The following SMIM7 variants were observed in gnomAD, a reference collection of about 807,000 sequenced individuals.
SMIM7 encodes the protein UPF0608 protein C19orf42.
Under a neutral mutation model 13.3 loss-of-function variants are expected in SMIM7, and 12 were observed. The ratio of observed to expected loss-of-function variants is 0.90; its 90% CI spans 0.58 to 1.46. The LOEUF is 1.46. Ranked by LOEUF, SMIM7 falls within the 40% of genes most tolerant of loss-of-function variation. The probability of loss-of-function intolerance (pLI) is 0.00; values close to 1 mark genes in which losing one functional copy is unlikely to be tolerated. For missense variants in SMIM7, 114 were observed against 94.8 expected (o/e 1.20, Z -0.84); for synonymous variants, 36 against 35.8 (o/e 1.01, Z -0.02).
chr19:16,660,019 A>G lies in SMIM7; in HGVS notation c.27-19T>C, dbSNP rs751080840. 3.1e-6 allele frequency: 5 copies of G among 1,613,968 alleles called. No homozygotes were observed. The East Asian group carries it at 1.1e-4, about 36-fold the overall frequency. ...CAACGTCCTGCAGAGGGAGAATTAC[A>G]GTTACTAGGGGCGCCCCCGCGTCCT... On this transcript the variant is annotated intron_variant, in intron 1 of 4. Transcript: ENST00000487416.
downstream of SMIM7, among the ~76,000 whole-genome samples, chr19:16,644,127 T>G (rs2086426688): frequency 6.8e-6 from 1 of 147,236 alleles, no homozygotes; most frequent in African/African-American, 2.5e-5. Flanking sequence ...CGTTTTTTTT[T>G]TTTTTTTTTT....
chr19:16,647,103 A>T lies in SMIM7; in HGVS notation c.*143T>A. ...CTGGGAAACCATGCACACCTCGGCGAACACTTTTCCACCCACCACGAGCTT... is the reference window on the plus strand; with the variant it reads ...CTGGGAAACCATGCACACCTCGGCGTACACTTTTCCACCCACCACGAGCTT... On this transcript the variant is annotated 3_prime_UTR_variant, in exon 5 of 5. Transcript: ENST00000487416. 9.5e-7 allele frequency: 1 copy of T among 1,056,840 alleles called. No homozygotes were observed. The highest frequency in any genetic ancestry group is 1.4e-5 in the South Asian group (1 of 73,678). The allele number at this position is 1,056,840 out of a possible 1,614,324, so 65.5% of individuals were successfully genotyped here.
intron 4 of SMIM7, among the ~76,000 whole-genome samples, chr19:16,639,184 T>G (rs540206703): frequency 1.8e-4 from 27 of 149,330 alleles, no homozygotes; most frequent in Non-Finnish European, 3.4e-4. Flanking sequence ...TGCAGTGGCG[T>G]GATCTCGGCT....
intron 4 of SMIM7, chr19:16,634,540 G>A (rs894679473): frequency 2.0e-5 from 3 of 152,164 alleles, no homozygotes; most frequent in Non-Finnish European, 2.9e-5. Flanking sequence ...ACTTTGAAAG[G>A]CTGAGGTAGG....
In SMIM7 at chr19:16,659,975, C is replaced by T; in HGVS notation, c.52G>A (p.Val18Met). The change falls in exon 2 of 5, where the codon GTG becomes ATG. Residue 18 changes from valine (V) to methionine (M), a missense_variant. Val to Met is a conservative substitution (Grantham distance 21). Transcript: ENST00000487416. Reference sequence around the variant, plus strand: ...CCTACTCACAGCTTAAAGTTCAGCACCGCCCCGGCATTCATCAGCAACGTC... The same window carrying T: ...CCTACTCACAGCTTAAAGTTCAGCATCGCCCCGGCATTCATCAGCAACGTC... ...FGTLLMNAGAVLNFKLKKKDT... is the reference protein window; with the variant it reads ...FGTLLMNAGAMLNFKLKKKDT... The T allele has an allele frequency of 1.9e-6, 3 of 1,613,412 alleles. No homozygotes were observed. Among genetic ancestry groups the T allele is most frequent in the South Asian group, 1.1e-5 (1 of 90,898 alleles).
chr19:16,635,899 A>ATATATATATATATATATATAT (rs1555703285), intron 4 of SMIM7, among the ~76,000 whole-genome samples: 2 of 109,580 alleles, frequency 1.8e-5, no homozygotes, highest in African/African-American at 8.6e-5. Context: ...AAAAAAAAAA[A>ATATATATATATATATATATAT]ATATATATAT....
chr19:16,650,256 A>C (rs537815926), intron 4 of SMIM7, among the ~76,000 whole-genome samples: 1 of 152,266 alleles, frequency 6.6e-6, no homozygotes, highest in South Asian at 2.1e-4. Flanking sequence ...TGTACCACAT[A>C]CCTATCCATC....
At chr19:16,638,382 C>A (rs1167561317) in intron 4 of SMIM7, among the ~76,000 whole-genome samples, 1 of 149,470 alleles carries the variant, frequency 6.7e-6, no homozygotes, top group African/African-American at 2.5e-5. Context: ...CGGCTCACTG[C>A]AACCCCTGCC....
intron 3 of SMIM7, among the ~76,000 whole-genome samples, chr19:16,656,610 C>G (rs1050359898): frequency 7.2e-5 from 11 of 151,750 alleles, no homozygotes; most frequent in Non-Finnish European, 1.6e-4. Context: ...AAAAAAAAAG[C>G]CTTTCCAGCC....
At chr19:16,638,095 TAA>T (rs199961444) in intron 4 of SMIM7, among the ~76,000 whole-genome samples, 9 of 143,020 alleles carry the variant, frequency 6.3e-5, no homozygotes, top group Admixed American at 5.6e-4. Flanking sequence ...CCACCTCTAC[TAA>T]AAAAAAAAAA....
chr19:16,642,589 C>T (rs1387996709), downstream of SMIM7, among the ~76,000 whole-genome samples: 1 of 151,766 alleles, frequency 6.6e-6, no homozygotes, highest in East Asian at 1.9e-4. Flanking sequence ...GCCTGTAATC[C>T]CAGAAATACT....
intron 3 of SMIM7, among the ~76,000 whole-genome samples, chr19:16,654,777 G>T (rs545391285): frequency 2.6e-4 from 39 of 151,978 alleles, no homozygotes; most frequent in Admixed American, 5.3e-4. Flanking sequence ...AAAGTTTTAT[G>T]GCACACAGCC....
intron 3 of SMIM7, among the ~76,000 whole-genome samples, chr19:16,655,680 CA>C (rs869256040): frequency 0.016 from 606 of 38,478 alleles, 2 homozygotes; most frequent in South Asian, 0.042. Context: ...GACTCCATCT[CA>C]AAAAAAAAAA....
At chr19:16,641,669 G>A (rs543511965), downstream of SMIM7, among the ~76,000 whole-genome samples, 6 of 152,170 alleles carry the variant, frequency 3.9e-5, no homozygotes, top group East Asian at 9.6e-4. Flanking sequence ...AAAAATCTCG[G>A]CTCACTGCAA....
chr19:16,638,548 T>A (rs1467985637), intron 4 of SMIM7, among the ~76,000 whole-genome samples: 2 of 151,966 alleles, frequency 1.3e-5, no homozygotes, highest in Non-Finnish European at 2.9e-5. Context: ...CCTCAGGTGA[T>A]CCACCCACCT....
Position 16,659,463 on chromosome 19 carries a change from G to A in SMIM7, c.69-16C>T, listed in dbSNP as rs746818614. On this transcript the variant is annotated splice_polypyrimidine_tract_variant and intron_variant, in intron 2 of 4. Transcript: ENST00000487416. Reference sequence around the variant, plus strand: ...CTTCTTTTTCCTACAAAGAGGAGCAGACAGTGTCCACTTTCAATGGGACAT... The same window carrying A: ...CTTCTTTTTCCTACAAAGAGGAGCAAACAGTGTCCACTTTCAATGGGACAT... The A allele has an allele frequency of 1.1e-5, 18 of 1,611,018 alleles. No individual in the cohort carries two copies. The highest frequency in any genetic ancestry group is 1.5e-5 in the Non-Finnish European group (18 of 1,178,884).
intron 4 of SMIM7, among the ~76,000 whole-genome samples, chr19:16,639,299 T>C (rs916559987): frequency 6.6e-6 from 1 of 152,028 alleles, no homozygotes; most frequent in Non-Finnish European, 1.5e-5. Context: ...ATTTTTTGTA[T>C]TTTTAGTAGA....
rs367784846 is a variant in SMIM7 at position 16,659,506 on chromosome 19, G to T, written c.69-59C>A. On this transcript the variant is annotated intron_variant, in intron 2 of 4. Coordinates refer to ENST00000487416, the MANE Select transcript of SMIM7 (RefSeq NM_024104.4). ...TGGGACATAGAGTCCTCAGCCCCCTGACCCCCAGCTCAGAAGGCCACAAAC... is the reference window on the plus strand; with the variant it reads ...TGGGACATAGAGTCCTCAGCCCCCTTACCCCCAGCTCAGAAGGCCACAAAC... 2,373 of 1,548,368 alleles carry T rather than the reference G, an allele frequency of 1.5e-3. 5 individuals carry two copies. Among genetic ancestry groups the T allele is most frequent in the Non-Finnish European group, 1.8e-3 (2,090 of 1,133,724 alleles).
At chr19:16,632,790 C>T (rs2086331483) in intron 4 of SMIM7, among the ~76,000 whole-genome samples, 1 of 152,096 alleles carries the variant, frequency 6.6e-6, no homozygotes, top group Admixed American at 6.6e-5. Context: ...CCTCAGCCTC[C>T]CAAAGTGCTG....
Sources: allele counts gnomAD v4.1 joint callset (sites outside exome capture counted in the v4.1 genomes callset), GRCh38; gene constraint gnomAD v4.1.1; transcripts MANE v1.5; gene names NCBI Gene and HGNC (gene_info 2026-07-23, HGNC 2026-07-21).